Variants in RARB observed in about 807,000 individuals in gnomAD.
The protein encoded by RARB is HBV-activated protein.
In RARB, 17 loss-of-function variants were observed where a neutral mutation model predicts 51.9. The observed-to-expected ratio is 0.33, with a 90% CI of 0.22 to 0.49. The LOEUF is 0.49. Ranked by LOEUF, RARB falls within the 20% of genes least tolerant of loss-of-function variation. The pLI is 0.99. For synonymous variants in RARB, 215 were observed against 195.4 expected (o/e 1.10, Z -0.84); for missense variants, 369 against 550.8 (o/e 0.67, Z 3.30).
At chr3:25,067,008 A>G (rs1465935066) in intron 3 of RARB, among the ~76,000 whole-genome samples, 1 of 152,164 alleles carries the variant, frequency 6.6e-6, no homozygotes, top group Non-Finnish European at 1.5e-5. Context: ...GTGAACTACT[A>G]CTACATGCTG....
chr3:25,291,214 T>C (rs1319475247), intron 5 of RARB, among the ~76,000 whole-genome samples: 1 of 152,196 alleles, frequency 6.6e-6, no homozygotes, highest in Non-Finnish European at 1.5e-5. Context: ...TACACACATA[T>C]ATATCTTCCC....
intron 5 of RARB, among the ~76,000 whole-genome samples, chr3:25,370,043 A>G (rs763635143): frequency 3.4e-4 from 52 of 152,200 alleles, no homozygotes; most frequent in Non-Finnish European, 5.3e-4. Flanking sequence ...AGAACAAAAC[A>G]CACACCCTAT....
At chr3:25,161,755 T>C (rs1486535052) in intron 4 of RARB, among the ~76,000 whole-genome samples, 1 of 152,238 alleles carries the variant, frequency 6.6e-6, no homozygotes, top group African/African-American at 2.4e-5. Context: ...ATGTTGAATA[T>C]ATTTTAAATA....
intron 2 of RARB, among the ~76,000 whole-genome samples, chr3:25,481,279 C>T (rs969023292): frequency 3.3e-5 from 5 of 152,126 alleles, no homozygotes; most frequent in Non-Finnish European, 7.3e-5. Context: ...ACTGTGTCGG[C>T]CACCACTGAG....
chr3:25,511,019 T>C (rs1697866023), intron 3 of RARB, among the ~76,000 whole-genome samples: 1 of 152,252 alleles, frequency 6.6e-6, no homozygotes, highest in South Asian at 2.1e-4. Context: ...TTGCAACTAC[T>C]CAACTCTACT....
chr3:24,950,208 G>A (rs73820338), intron 2 of RARB, among the ~76,000 whole-genome samples: 1,598 of 152,106 alleles, frequency 0.011, 30 homozygotes, highest in African/African-American at 0.033. Flanking sequence ...AAAAACTGCC[G>A]TCTATAAATT....
chr3:25,549,309 C>T (rs532909942), intron 3 of RARB, among the ~76,000 whole-genome samples: 3 of 152,124 alleles, frequency 2.0e-5, no homozygotes, highest in South Asian at 2.1e-4. Flanking sequence ...CCTAGATGAA[C>T]CTGGCAGAGT....
chr3:25,120,227 T>C lies in RARB; in HGVS notation c.-327-11934T>C, dbSNP rs566759626. On this transcript the variant is annotated intron_variant, in intron 3 of 11. Coordinates refer to the RARB transcript ENST00000383772. ...AGGCTGGCAGATGAAAGACGATAAA[T>C]GGCAACTGACATTTGGACTAAACAT... is the stretch of plus-strand genomic sequence containing the variant. Among the ~76,000 whole-genome samples, 14 of 152,164 alleles carry C rather than the reference T, an allele frequency of 9.2e-5. No individual in the cohort carries two copies. The South Asian group carries it at 2.3e-3, about 25-fold the overall frequency.
chr3:25,384,291 C>T (rs1037263954), intron 5 of RARB, among the ~76,000 whole-genome samples: 6 of 141,872 alleles, frequency 4.2e-5, no homozygotes, highest in African/African-American at 1.5e-4. Flanking sequence ...CTCTTTCTCC[C>T]TTCATTGTCT....
intron 2 of RARB, among the ~76,000 whole-genome samples, chr3:25,050,178 T>C (rs1324076189): frequency 6.6e-6 from 1 of 152,210 alleles, no homozygotes; most frequent in Non-Finnish European, 1.5e-5. Flanking sequence ...GAAGATTGTA[T>C]ATTGAAATGA....
chr3:25,363,046 T>TAA (rs201384022), intron 5 of RARB, among the ~76,000 whole-genome samples: 10 of 151,138 alleles, frequency 6.6e-5, no homozygotes, highest in Admixed American at 5.9e-4. Context: ...ATAGGAGCTT[T>TAA]AAAAAAAAAG....
chr3:25,057,658 TC>T (rs1698466292), intron 2 of RARB, among the ~76,000 whole-genome samples: 1 of 152,034 alleles, frequency 6.6e-6, no homozygotes, highest in Admixed American at 6.6e-5. Context: ...GAAAAGGACT[TC>T]TTTTGTTTCA....
At chr3:24,894,961 A>G (rs1028665254) in intron 2 of RARB, among the ~76,000 whole-genome samples, 2 of 152,198 alleles carry the variant, frequency 1.3e-5, no homozygotes, top group Non-Finnish European at 2.9e-5. Flanking sequence ...GAGTTGAAGA[A>G]CATATGTGGA....
At chr3:25,497,994 C>T (rs908545598) in intron 2 of RARB, among the ~76,000 whole-genome samples, 5 of 152,134 alleles carry the variant, frequency 3.3e-5, no homozygotes, top group Admixed American at 2.6e-4. Flanking sequence ...GCTGGCCAAG[C>T]TCCCTTTTCA....
intron 2 of RARB, among the ~76,000 whole-genome samples, chr3:25,032,209 T>TAAA (rs1250124754): frequency 6.6e-6 from 1 of 152,224 alleles, no homozygotes; most frequent in Admixed American, 6.5e-5. Context: ...AATTGGATTA[T>TAAA]AAAAGACATC....
At chr3:24,897,000 G>T (rs910651292) in intron 2 of RARB, among the ~76,000 whole-genome samples, 2 of 152,138 alleles carry the variant, frequency 1.3e-5, no homozygotes. Context: ...AGCCATTGTC[G>T]GTAACTTTAG....
At position 25,542,013 on chromosome 3, in the gene RARB, G is replaced by A. The variant is rs112347464; in HGVS notation, c.449-27745G>A. ...AAAGGATGTAAGAGAGAAAAGGAAAGAAGAAGAAAGGAAAGCTAGGCATAG... is the reference window on the plus strand; with the variant it reads ...AAAGGATGTAAGAGAGAAAAGGAAAAAAGAAGAAAGGAAAGCTAGGCATAG... On this transcript the variant is annotated intron_variant, in intron 3 of 7. Transcript: ENST00000330688. Among the ~76,000 whole-genome samples the A allele has an allele frequency of 9.1e-3, 1,362 of 149,996 alleles. 14 individuals carry two copies. Among genetic ancestry groups the A allele is most frequent in the African/African-American group, 0.032 (1,251 of 39,360 alleles).
chr3:24,988,697 A>G (rs1034342588), intron 2 of RARB, among the ~76,000 whole-genome samples: 8 of 152,242 alleles, frequency 5.3e-5, no homozygotes, highest in Non-Finnish European at 1.0e-4. Context: ...TATGTATGCA[A>G]TGATATCAAA....
At chr3:25,574,453 A>G (rs1229141315) in intron 4 of RARB, among the ~76,000 whole-genome samples, 1 of 152,044 alleles carries the variant, frequency 6.6e-6, no homozygotes, top group Non-Finnish European at 1.5e-5. Flanking sequence ...ATGTCTTGTC[A>G]TTTTTTCGAG....
Sources: allele counts gnomAD v4.1 joint callset (sites outside exome capture counted in the v4.1 genomes callset), GRCh38; gene constraint gnomAD v4.1.1; transcripts MANE v1.5; gene names NCBI Gene and HGNC (gene_info 2026-07-23, HGNC 2026-07-21).